RBM47: variants seen among roughly 807,000 people sequenced by gnomAD.
RBM47 encodes the protein RNA-binding protein 47.
In RBM47, 21 loss-of-function variants were observed where a neutral mutation model predicts 47.1. The observed-to-expected ratio is 0.45, with a 90% CI of 0.32 to 0.64. RBM47 has a LOEUF of 0.64. Ranked by LOEUF, RBM47 falls within the 30% of genes least tolerant of loss-of-function variation. The pLI is 0.05. For missense variants in RBM47, 708 were observed against 870.9 expected (o/e 0.81, Z 2.35); for synonymous variants, 375 against 361.7 (o/e 1.04, Z -0.42).
At chr4:40,570,374 G>T (rs1188762688) in intron 1 of RBM47, among the ~76,000 whole-genome samples, 2 of 151,436 alleles carry the variant, frequency 1.3e-5, no homozygotes, top group African/African-American at 4.8e-5. Context: ...CAGATCATCA[G>T]GCATTAGATT....
At position 40,437,940 on chromosome 4, in the gene RBM47, G is replaced by C. The variant is rs754497064; in HGVS notation, c.954C>G (p.Pro318=). Residue 318 remains proline, a synonymous_variant, in exon 4 of 7, where the codon CCC becomes CCG. Coordinates refer to ENST00000295971, the MANE Select transcript of RBM47 (RefSeq NM_001098634.2). Reference sequence around the variant, plus strand: ...AGCGCGAGTACTGCTCCTTGTCCACGGGCTTGGCCAGCGTGACCTCCAGGC... The same window carrying C: ...AGCGCGAGTACTGCTCCTTGTCCACCGGCTTGGCCAGCGTGACCTCCAGGC... ...GSCLEVTLAK[P]VDKEQYSRYQ... 16 of 1,613,604 alleles carry C rather than the reference G, an allele frequency of 9.9e-6. No homozygotes were observed. Among genetic ancestry groups the C allele is most frequent in the Non-Finnish European group, 1.3e-5 (15 of 1,179,974 alleles).
chr4:40,576,679 C>T (rs1732368746), intron 1 of RBM47, among the ~76,000 whole-genome samples: 1 of 152,176 alleles, frequency 6.6e-6, no homozygotes, highest in South Asian at 2.1e-4. Flanking sequence ...TCAAGTGATC[C>T]TCTTGCCTGA....
intron 1 of RBM47, among the ~76,000 whole-genome samples, chr4:40,594,809 G>A (rs4861266): frequency 0.33 from 50,212 of 151,976 alleles, 9,382 homozygotes; most frequent in African/African-American, 0.5. Context: ...TCTTTTGTAA[G>A]TACTATCACT....
intron 1 of RBM47, among the ~76,000 whole-genome samples, chr4:40,568,747 G>A (rs1029736436): frequency 1.3e-4 from 20 of 151,798 alleles, no homozygotes; most frequent in Middle Eastern, 3.4e-3. Flanking sequence ...TTGGGAGGCC[G>A]AGGCGGGTGG....
At chr4:40,549,312 A>C (rs1374511891) in intron 1 of RBM47, among the ~76,000 whole-genome samples, 5 of 151,734 alleles carry the variant, frequency 3.3e-5, no homozygotes, top group African/African-American at 1.2e-4. Context: ...GGCTGGTCTC[A>C]AACTTCTGAC....
At chr4:40,437,090 A>AAAAAAAAAATATAT in intron 4 of RBM47, among the ~76,000 whole-genome samples, 1 of 49,804 alleles carries the variant, frequency 2.0e-5, no homozygotes, top group African/African-American at 1.1e-4. Context: ...AAAAAAAAAA[A>AAAAAAAAAATATAT]ATATATATAT....
chr4:40,500,977 T>G (rs995511525), intron 2 of RBM47, among the ~76,000 whole-genome samples: 4 of 152,012 alleles, frequency 2.6e-5, no homozygotes, highest in African/African-American at 9.7e-5. Flanking sequence ...TTTGAAAAAA[T>G]ATCTGCAAGT....
intron 2 of RBM47, among the ~76,000 whole-genome samples, chr4:40,526,377 A>G (rs1726710074): frequency 6.6e-6 from 1 of 151,574 alleles, no homozygotes; most frequent in Non-Finnish European, 1.5e-5. Context: ...ATGGTGTTTG[A>G]GTCACAGGAC....
chr4:40,509,188 T>TAAATAAATAAATA (rs543483077), intron 2 of RBM47, among the ~76,000 whole-genome samples: 100 of 147,770 alleles, frequency 6.8e-4, no homozygotes, highest in Admixed American at 2.2e-3. Flanking sequence ...AATAAATAAA[T>TAAATAAATAAATA]AATAATAATA....
intron 2 of RBM47, among the ~76,000 whole-genome samples, chr4:40,471,457 G>A (rs554580319): frequency 1.3e-5 from 2 of 152,140 alleles, no homozygotes; most frequent in East Asian, 3.9e-4. Flanking sequence ...CAGCACTTTG[G>A]GAGGCCAAGG....
chr4:40,467,421 C>G (rs1416922299), intron 2 of RBM47, among the ~76,000 whole-genome samples: 1 of 152,052 alleles, frequency 6.6e-6, no homozygotes, highest in Non-Finnish European at 1.5e-5. Flanking sequence ...TCCCAAGTAG[C>G]TGAGATTACA....
chr4:40,437,108 T>TATATAA (rs1712664384), intron 4 of RBM47, among the ~76,000 whole-genome samples: 1 of 75,786 alleles, frequency 1.3e-5, no homozygotes, highest in African/African-American at 8.1e-5. Context: ...TATATATATA[T>TATATAA]ATAAAATACA....
chr4:40,568,984 A>AAGATAGATAGATAGATAGATAGAT (rs60078594), intron 1 of RBM47, among the ~76,000 whole-genome samples: 87 of 145,252 alleles, frequency 6.0e-4, no homozygotes, highest in African/African-American at 2.2e-3. Flanking sequence ...TCTGTCTCAA[A>AAGATAGATAGATAGATAGATAGAT]AGATAGATAG....
intron 2 of RBM47, among the ~76,000 whole-genome samples, chr4:40,478,009 C>CT (rs1194806938): frequency 0.11 from 9,294 of 86,286 alleles, 793 homozygotes; most frequent in South Asian, 0.13. Flanking sequence ...GTGGCATGTT[C>CT]TTTTTTTTTT....
intron 2 of RBM47, among the ~76,000 whole-genome samples, chr4:40,517,094 T>A (rs1725667206): frequency 6.6e-6 from 1 of 151,576 alleles, no homozygotes; most frequent in Non-Finnish European, 1.5e-5. Context: ...TCAAATGCCA[T>A]CCCTCCCTCC....
intron 2 of RBM47, among the ~76,000 whole-genome samples, chr4:40,515,281 T>C (rs1056980526): frequency 6.6e-6 from 1 of 152,184 alleles, no homozygotes; most frequent in Admixed American, 6.6e-5. Context: ...GGATGATCTA[T>C]CTGCCTGGTT....
intron 2 of RBM47, among the ~76,000 whole-genome samples, chr4:40,520,499 A>G (rs1030782097): frequency 7.9e-5 from 12 of 152,166 alleles, no homozygotes; most frequent in African/African-American, 2.4e-4. Context: ...TAGCCTGAAT[A>G]TCTTTGAGGC....
chr4:40,531,293 C>T (rs1157350745), intron 2 of RBM47, among the ~76,000 whole-genome samples: 3 of 151,808 alleles, frequency 2.0e-5, no homozygotes, highest in Non-Finnish European at 4.4e-5. Context: ...ACTAGCTGAG[C>T]TTCAAAGGAT....
chr4:40,434,021 GTGT>G (rs1711873035), intron 5 of RBM47, among the ~76,000 whole-genome samples: 1 of 143,672 alleles, frequency 7.0e-6, no homozygotes, highest in African/African-American at 2.6e-5. Context: ...GTGTGTGTGT[GTGT>G]GTGTGTGTGT....
Sources: allele counts gnomAD v4.1 joint callset (sites outside exome capture counted in the v4.1 genomes callset), GRCh38; gene constraint gnomAD v4.1.1; transcripts MANE v1.5; gene names NCBI Gene and HGNC (gene_info 2026-07-23, HGNC 2026-07-21).